Variants in TMEM233 observed in about 807,000 individuals in gnomAD.
The protein encoded by TMEM233 is transmembrane protein 233, also known as dispanin subfamily B member 2.
In TMEM233, 6 loss-of-function variants were observed where a neutral mutation model predicts 11.2. The ratio of observed to expected loss-of-function variants is 0.54; its 90% CI spans 0.29 to 1.06. The LOEUF (loss-of-function observed/expected upper bound fraction) is 1.06. TMEM233 is among the 50% of genes least tolerant of loss of function. The probability of loss-of-function intolerance (pLI) is 0.08; values close to 1 mark genes in which losing one functional copy is unlikely to be tolerated. For missense variants in TMEM233, 127 were observed against 144.7 expected (o/e 0.88, Z 0.63); for synonymous variants, 59 against 55.8 (o/e 1.06, Z -0.26).
At position 119,629,851 on chromosome 12, in the gene TMEM233, G is replaced by C. The variant is rs1458197150; in HGVS notation, c.302G>C (p.Cys101Ser). The change falls in exon 2 of 3, where the codon TGT becomes TCT. Residue 101 changes from cysteine (C) to serine (S), a missense_variant. By Grantham distance (112) the Cys-to-Ser change is moderately radical (BLOSUM62 -1). Coordinates refer to ENST00000426426, the MANE Select transcript of TMEM233 (RefSeq NM_001136534.3). ...GGCCTTCTCATCATCGGCATTTCTTGTGCAGTTCACTTCACAAGGAAGTAA... is the reference window on the plus strand; with the variant it reads ...GGCCTTCTCATCATCGGCATTTCTTCTGCAGTTCACTTCACAAGGAAGTAA... ...IIGLLIIGIS[C>S]AVHFTRNA The C allele has an allele frequency of 6.4e-7, 1 of 1,551,282 alleles. No individual in the cohort carries two copies. The highest frequency in any genetic ancestry group is 2.4e-5 in the East Asian group (1 of 40,930).
the TMEM233 span, among the ~76,000 whole-genome samples, chr12:119,649,063 C>G: frequency 6.6e-6 from 1 of 152,058 alleles, no homozygotes; most frequent in Non-Finnish European, 1.5e-5. Context: ...TTTGGGAGGC[C>G]GAGGTAGGAG....
At chr12:119,631,696 C>T (rs2136780615) in intron 2 of TMEM233, 2 of 983,294 alleles carry the variant, frequency 2.0e-6, no homozygotes, top group South Asian at 9.4e-5. Context: ...GCAGTTTTGG[C>T]ACCAGACTGC....
chr12:119,635,345 A>G (rs1432043685), intron 2 of TMEM233, among the ~76,000 whole-genome samples: 1 of 152,158 alleles, frequency 6.6e-6, no homozygotes, highest in Non-Finnish European at 1.5e-5. Context: ...ATGACAAGCC[A>G]CCTTCCCCAA....
the TMEM233 span, among the ~76,000 whole-genome samples, chr12:119,652,251 G>A: frequency 2.0e-5 from 3 of 152,162 alleles, no homozygotes; most frequent in Admixed American, 1.3e-4. Flanking sequence ...CACATTGTAT[G>A]GATATACCAA....
intron 1 of TMEM233, among the ~76,000 whole-genome samples, chr12:119,616,213 C>T (rs1954528442): frequency 6.6e-6 from 1 of 152,110 alleles, no homozygotes; most frequent in South Asian, 2.1e-4. Flanking sequence ...AGCCTAGGCC[C>T]AGAGCAAAGA....
chr12:119,630,687 T>C (rs1954861006), intron 2 of TMEM233, among the ~76,000 whole-genome samples: 1 of 152,224 alleles, frequency 6.6e-6, no homozygotes, highest in Non-Finnish European at 1.5e-5. Context: ...CCACATGGGC[T>C]TTTTACTGCC....
intron 1 of TMEM233, among the ~76,000 whole-genome samples, chr12:119,604,688 T>C (rs1252250770): frequency 6.6e-6 from 1 of 152,174 alleles, no homozygotes; most frequent in African/African-American, 2.4e-5. Context: ...CAGACTGGAG[T>C]GCAATGGTGC....
chr12:119,650,139 T>G, the TMEM233 span, among the ~76,000 whole-genome samples: 3 of 146,412 alleles, frequency 2.0e-5, no homozygotes, highest in South Asian at 6.4e-4. Flanking sequence ...GCCTGGGCAA[T>G]AGAGCAAGAC....
intron 1 of TMEM233, among the ~76,000 whole-genome samples, chr12:119,606,894 T>C (rs761365720): frequency 5.9e-5 from 9 of 152,208 alleles, no homozygotes; most frequent in Non-Finnish European, 1.0e-4. Flanking sequence ...AATCCATCTA[T>C]TTATAACATA....
At chr12:119,634,214 A>G (rs1431904136) in intron 2 of TMEM233, 3 of 985,028 alleles carry the variant, frequency 3.0e-6, no homozygotes, top group East Asian at 1.1e-4. Flanking sequence ...GTAACAATCT[A>G]TTTCCACAGA....
chr12:119,607,508 A>T (rs1049850155), intron 1 of TMEM233, among the ~76,000 whole-genome samples: 4 of 152,180 alleles, frequency 2.6e-5, no homozygotes, highest in Non-Finnish European at 5.9e-5. Context: ...AGTTTCCATA[A>T]AAAGTATGTA....
chr12:119,652,651 G>C, the TMEM233 span, among the ~76,000 whole-genome samples: 527 of 152,272 alleles, frequency 3.5e-3, 1 homozygote, highest in Middle Eastern at 0.014. Context: ...AGAAATGATA[G>C]AGCCACAGAA....
At chr12:119,605,194 C>T (rs997006035) in intron 1 of TMEM233, among the ~76,000 whole-genome samples, 31 of 151,882 alleles carry the variant, frequency 2.0e-4, no homozygotes, top group African/African-American at 7.5e-4. Context: ...GTTATTATAA[C>T]ATTTATACAT....
chr12:119,594,019 G>A lies in TMEM233; in HGVS notation c.171G>A (p.Leu57=), dbSNP rs1953973423. The A allele has an allele frequency of 6.4e-7, 1 of 1,551,624 alleles. No homozygotes were observed. The highest frequency in any genetic ancestry group is 1.4e-5 in the African/African-American group (1 of 73,160). The change falls in exon 1 of 3, where the codon TTG becomes TTA. Residue 57 remains leucine, a synonymous_variant. Transcript: ENST00000426426. The surrounding 1 kb of genome is among the most constrained non-coding windows in gnomAD (Gnocchi z 5.6). ...CPAYPINIVA[L]VFSIMSLNSY... is the part of the protein sequence containing the mutation. Reference sequence around the variant, plus strand: ...CGTACCCCATCAACATCGTGGCTTTGGTCTTTTCCATCATGGTGAGTGAAT... The same window carrying A: ...CGTACCCCATCAACATCGTGGCTTTAGTCTTTTCCATCATGGTGAGTGAAT...
At chr12:119,604,311 T>C (rs1954222337) in intron 1 of TMEM233, among the ~76,000 whole-genome samples, 1 of 152,224 alleles carries the variant, frequency 6.6e-6, no homozygotes, top group Admixed American at 6.5e-5. Context: ...TGAGCAAAAG[T>C]TAAGTCTTTT....
At chr12:119,632,530 G>C (rs1306336258) in intron 2 of TMEM233, among the ~76,000 whole-genome samples, 1 of 152,168 alleles carries the variant, frequency 6.6e-6, no homozygotes, top group Non-Finnish European at 1.5e-5. Flanking sequence ...GATGAGTCAG[G>C]GCTAAGGTTC....
At chr12:119,625,144 C>A (rs973707172) in intron 1 of TMEM233, among the ~76,000 whole-genome samples, 1 of 152,150 alleles carries the variant, frequency 6.6e-6, no homozygotes, top group Non-Finnish European at 1.5e-5. Flanking sequence ...ACTAAGGTGG[C>A]CCAGATCCAA....
intron 2 of TMEM233, among the ~76,000 whole-genome samples, chr12:119,640,088 G>T (rs1465321379): frequency 6.6e-6 from 1 of 152,214 alleles, no homozygotes; most frequent in Non-Finnish European, 1.5e-5. Context: ...TAATCCTTGG[G>T]GAGGAGAGTG....
intron 2 of TMEM233, among the ~76,000 whole-genome samples, chr12:119,637,668 T>C (rs1479775575): frequency 6.6e-6 from 1 of 152,202 alleles, no homozygotes; most frequent in Non-Finnish European, 1.5e-5. Flanking sequence ...TCATTACCTA[T>C]TTCTAGAAGG....
Sources: allele counts gnomAD v4.1 joint callset (sites outside exome capture counted in the v4.1 genomes callset), GRCh38; gene constraint gnomAD v4.1.1; non-coding constraint Gnocchi (gnomAD v3.1); transcripts MANE v1.5; gene names NCBI Gene and HGNC (gene_info 2026-07-23, HGNC 2026-07-21).